The following COL4A1 variants were observed in gnomAD, a reference collection of about 807,000 sequenced individuals.
The protein encoded by COL4A1 is collagen alpha-1(IV) chain.
A neutral mutation model predicts 216.6 loss-of-function variants in COL4A1; 40 were observed. The ratio of observed to expected loss-of-function variants is 0.18; its 90% CI spans 0.14 to 0.24. The LOEUF (loss-of-function observed/expected upper bound fraction) is 0.24. Ranked by LOEUF, COL4A1 falls within the 10% of genes least tolerant of loss-of-function variation. COL4A1 has a pLI of 1.00. For missense variants in COL4A1, 1,628 were observed against 2,196.8 expected (o/e 0.74, Z 5.18); for synonymous variants, 839 against 810.7 (o/e 1.03, Z -0.59).
chr13:110,221,602 T>C (rs1255806860), intron 2 of COL4A1, among the ~76,000 whole-genome samples: 1 of 152,192 alleles, frequency 6.6e-6, no homozygotes, highest in African/African-American at 2.4e-5. Flanking sequence ...CAGACATTTG[T>C]CCATGATGAA....
chr13:110,260,652 C>G (rs1365929292), intron 1 of COL4A1, among the ~76,000 whole-genome samples: 3 of 152,096 alleles, frequency 2.0e-5, no homozygotes, highest in Non-Finnish European at 4.4e-5. Context: ...TTAATGGGTA[C>G]TGAGTCTCAG....
chr13:110,207,283 G>T lies in COL4A1; in HGVS notation c.780+120C>A. 1.1e-6 allele frequency: 1 copy of T among 889,212 alleles called. No individual in the cohort carries two copies. The highest frequency in any genetic ancestry group is 1.9e-6 in the Non-Finnish European group (1 of 534,284). 55.1% of individuals were successfully genotyped at this position (889,212 alleles called of 1,614,324 possible). On this transcript the variant is annotated intron_variant, in intron 13 of 51. Transcript: ENST00000375820. The surrounding 1 kb of genome is among the most constrained non-coding windows in gnomAD (Gnocchi z 4.4). Reference sequence around the variant, plus strand: ...TATGGACTGAACAGTCTATAAATCTGTTTTCCAGACCAGGATTGAATGTAG... The same window carrying T: ...TATGGACTGAACAGTCTATAAATCTTTTTTCCAGACCAGGATTGAATGTAG...
intron 1 of COL4A1, among the ~76,000 whole-genome samples, chr13:110,280,434 T>C (rs1470602551): frequency 6.6e-6 from 1 of 152,218 alleles, no homozygotes; most frequent in Non-Finnish European, 1.5e-5. Flanking sequence ...ATAATTCTCA[T>C]GAATACATCA....
chr13:110,289,319 C>A (rs1481154360), intron 1 of COL4A1, among the ~76,000 whole-genome samples: 1 of 152,158 alleles, frequency 6.6e-6, no homozygotes, highest in Non-Finnish European at 1.5e-5. Flanking sequence ...CTGCCGCGAC[C>A]AAGAGGAGAC....
intron 27 of COL4A1, 26 bp downstream of exon 27, chr13:110,183,158 C>A: frequency 1.2e-6 from 2 of 1,613,368 alleles, no homozygotes; most frequent in Non-Finnish European, 1.7e-6. Flanking sequence ...TCGTGGTATC[C>A]CGGTGAGCTG....
chr13:110,213,119 G>A (rs1038841687), intron 4 of COL4A1, among the ~76,000 whole-genome samples: 1 of 152,128 alleles, frequency 6.6e-6, no homozygotes, highest in Non-Finnish European at 1.5e-5. Flanking sequence ...CTCAGGTGGG[G>A]GGAAGGCTGG....
At chr13:110,181,646 T>C (rs1264371794) in intron 28 of COL4A1, among the ~76,000 whole-genome samples, 1 of 151,978 alleles carries the variant, frequency 6.6e-6, no homozygotes, top group Non-Finnish European at 1.5e-5. Flanking sequence ...CTCTTCAAAC[T>C]TTTCTTTCCC....
intron 1 of COL4A1, among the ~76,000 whole-genome samples, chr13:110,279,363 T>C (rs1339579032): frequency 2.0e-5 from 3 of 152,212 alleles, no homozygotes; most frequent in Non-Finnish European, 2.9e-5. Flanking sequence ...CTCCCCACAA[T>C]ACGGGCTCCT....
At chr13:110,162,518 A>C (rs1374466225) in intron 47 of COL4A1, 76 bp from the exon 48 acceptor site, 1 of 1,113,224 alleles carries the variant, frequency 9.0e-7, no homozygotes, top group East Asian at 2.4e-5. Flanking sequence ...CATTTTCTCC[A>C]AAGAGTTTTT....
intron 51 of COL4A1, 89 bp from the exon 52 acceptor site, chr13:110,150,533 G>A: frequency 1.5e-6 from 2 of 1,332,642 alleles, no homozygotes; most frequent in Non-Finnish European, 2.1e-6. Flanking sequence ...AAATCTCTAA[G>A]GGATCAGCCC....
chr13:110,227,964 C>T (rs1880821252), intron 2 of COL4A1, among the ~76,000 whole-genome samples: 1 of 152,216 alleles, frequency 6.6e-6, no homozygotes, highest in Non-Finnish European at 1.5e-5. Context: ...TAAATACACC[C>T]TCCTGGGTGG....
At chr13:110,194,097 G>A (rs777490275) in intron 22 of COL4A1, among the ~76,000 whole-genome samples, 14 of 152,162 alleles carry the variant, frequency 9.2e-5, no homozygotes, top group Non-Finnish European at 1.6e-4. Context: ...AGTACTGAGC[G>A]CCTGGTAACT....
intron 45 of COL4A1, 25 bp downstream of exon 45, chr13:110,166,207 T>A (rs199893034): frequency 2.6e-5 from 37 of 1,413,502 alleles, no homozygotes; most frequent in Admixed American, 1.8e-4. Flanking sequence ...CAGTAAGGTG[T>A]CCACAGATCA....
intron 46 of COL4A1, among the ~76,000 whole-genome samples, chr13:110,164,386 T>C (rs999178613): frequency 1.3e-5 from 2 of 152,208 alleles, no homozygotes; most frequent in Non-Finnish European, 2.9e-5. Context: ...TCCTTATCAG[T>C]AGCTCTTCAA....
At chr13:110,306,881 G>A in intron 1 of COL4A1, 63 bp downstream of exon 1, 1 of 1,387,918 alleles carries the variant, frequency 7.2e-7, no homozygotes. Flanking sequence ...GCGGACAAAG[G>A]GGCCTCTCGG....
chr13:110,298,645 C>T (rs949547206), intron 1 of COL4A1: 2 of 152,214 alleles, frequency 1.3e-5, no homozygotes, highest in African/African-American at 4.8e-5. Context: ...ATTTGGCGGT[C>T]GTTAAGAATT....
chr13:110,160,581 G>A (rs1877037683), intron 49 of COL4A1, among the ~76,000 whole-genome samples: 2 of 152,108 alleles, frequency 1.3e-5, no homozygotes, highest in African/African-American at 4.8e-5. Flanking sequence ...CTGAAGAATC[G>A]AGTGGCATCA....
chr13:110,230,010 C>T (rs924991104), intron 2 of COL4A1, among the ~76,000 whole-genome samples: 3 of 152,150 alleles, frequency 2.0e-5, no homozygotes, highest in Non-Finnish European at 4.4e-5. Context: ...TCCACAGCAT[C>T]AAATCCACAC....
At chr13:110,209,345 T>G in intron 11 of COL4A1, 47 bp downstream of exon 11, 1 of 1,561,400 alleles carries the variant, frequency 6.4e-7, no homozygotes, top group Non-Finnish European at 8.8e-7. Flanking sequence ...AATTTCATGA[T>G]AGCCTTATAC....
Sources: allele counts gnomAD v4.1 joint callset (sites outside exome capture counted in the v4.1 genomes callset), GRCh38; gene constraint gnomAD v4.1.1; non-coding constraint Gnocchi (gnomAD v3.1); transcripts MANE v1.5; gene names NCBI Gene and HGNC (gene_info 2026-07-23, HGNC 2026-07-21).